Variants in KHDRBS2 observed in about 807,000 individuals in gnomAD.
KHDRBS2 encodes the protein KH RNA binding domain containing, signal transduction associated 2.
Under a neutral mutation model 44.3 loss-of-function variants are expected in KHDRBS2, and 26 were observed. That is an observed-to-expected ratio of 0.59 (90% CI 0.43 to 0.81). The LOEUF (loss-of-function observed/expected upper bound fraction) is 0.81, where lower values mean the gene tolerates loss of function less well. Ranked by LOEUF, KHDRBS2 falls within the 40% of genes least tolerant of loss-of-function variation. The probability of loss-of-function intolerance (pLI) is 0.00; values close to 1 mark genes in which losing one functional copy is unlikely to be tolerated. For synonymous variants in KHDRBS2, 194 were observed against 151.1 expected, an observed-to-expected ratio of 1.28 and a Z score of -2.08; for missense variants, 476 against 433.1, an observed-to-expected ratio of 1.10 and a Z score of -0.88.
intron 1 of KHDRBS2, among the ~76,000 whole-genome samples, chr6:62,183,703 A>G (rs1822833013): frequency 6.6e-6 from 1 of 151,610 alleles, no homozygotes; most frequent in Admixed American, 6.6e-5. Context: ...AATGAAGAAC[A>G]TGGAATTCGT....
At chr6:62,048,785 AC>A (rs1788317640) in intron 2 of KHDRBS2, among the ~76,000 whole-genome samples, 1 of 151,952 alleles carries the variant, frequency 6.6e-6, no homozygotes, top group South Asian at 2.1e-4. Flanking sequence ...ACATTTCCAA[AC>A]CAAATGACCG....
chr6:62,018,488 C>A (rs562402660), intron 3 of KHDRBS2, among the ~76,000 whole-genome samples: 11 of 152,234 alleles, frequency 7.2e-5, no homozygotes, highest in Admixed American at 6.5e-4. Context: ...GCTGGGACTA[C>A]AGGCGCCTGC....
At chr6:62,000,170 C>A (rs554373116) in intron 3 of KHDRBS2, among the ~76,000 whole-genome samples, 1 of 152,132 alleles carries the variant, frequency 6.6e-6, no homozygotes, top group East Asian at 1.9e-4. Flanking sequence ...TTTGCTGGAT[C>A]ATGACATAAA....
chr6:61,683,190 A>G (rs2127538609), intron 8 of KHDRBS2, among the ~76,000 whole-genome samples: 1 of 151,824 alleles, frequency 6.6e-6, no homozygotes, highest in Non-Finnish European at 1.5e-5. Context: ...AACAATCATG[A>G]GCGGAGTGAC....
intron 6 of KHDRBS2, among the ~76,000 whole-genome samples, chr6:61,764,605 G>T (rs192818238): frequency 6.6e-6 from 1 of 152,050 alleles, no homozygotes; most frequent in Admixed American, 6.6e-5. Context: ...TCGTGGTTTC[G>T]ATTTGCATTT....
At chr6:61,917,074 A>T (rs982277209) in intron 4 of KHDRBS2, among the ~76,000 whole-genome samples, 2 of 147,704 alleles carry the variant, frequency 1.4e-5, no homozygotes, top group African/African-American at 5.0e-5. Flanking sequence ...TTACCATATG[A>T]TCCAGCAATT....
At chr6:61,919,177 A>T (rs988121818) in intron 4 of KHDRBS2, among the ~76,000 whole-genome samples, 2 of 151,954 alleles carry the variant, frequency 1.3e-5, no homozygotes, top group African/African-American at 4.8e-5. Flanking sequence ...TTAGAAAGGA[A>T]ATAAAAACTG....
intron 6 of KHDRBS2, among the ~76,000 whole-genome samples, chr6:61,849,827 C>T (rs1795178351): frequency 6.6e-6 from 1 of 152,098 alleles, no homozygotes; most frequent in Non-Finnish European, 1.5e-5. Context: ...GTGGTAGAAA[C>T]AGAAAATAGC....
At chr6:61,928,755 A>G (rs1469898491) in intron 4 of KHDRBS2, among the ~76,000 whole-genome samples, 1 of 152,060 alleles carries the variant, frequency 6.6e-6, no homozygotes, top group African/African-American at 2.4e-5. Context: ...CTTAGGTTTT[A>G]TCATGCTTGA....
the KHDRBS2 span, among the ~76,000 whole-genome samples, chr6:61,555,997 C>T: frequency 6.6e-6 from 1 of 152,192 alleles, no homozygotes; most frequent in African/African-American, 2.4e-5. Flanking sequence ...TGCTCGTTTG[C>T]ACATGCCAGC....
intron 4 of KHDRBS2, among the ~76,000 whole-genome samples, chr6:61,913,239 G>A (rs369465367): frequency 5.5e-4 from 83 of 152,212 alleles, no homozygotes; most frequent in African/African-American, 1.9e-3. Context: ...ATCTCAAGAA[G>A]TGGAGATCAG....
chr6:61,559,419 T>C, the KHDRBS2 span, among the ~76,000 whole-genome samples: 28 of 151,894 alleles, frequency 1.8e-4, no homozygotes, highest in African/African-American at 6.3e-4. Flanking sequence ...TTAGAGTCAA[T>C]GTTATTACTA....
intron 3 of KHDRBS2, among the ~76,000 whole-genome samples, chr6:62,019,932 T>C (rs1378203142): frequency 6.6e-6 from 1 of 151,912 alleles, no homozygotes; most frequent in African/African-American, 2.4e-5. Context: ...ATGTTCAATC[T>C]GATCTTTATT....
chr6:61,908,795 G>T (rs1805526036), intron 4 of KHDRBS2, among the ~76,000 whole-genome samples: 1 of 151,930 alleles, frequency 6.6e-6, no homozygotes, highest in Non-Finnish European at 1.5e-5. Flanking sequence ...TTATATCTAG[G>T]GATAAACCTT....
At chr6:62,185,143 C>T (rs1823165926) in intron 1 of KHDRBS2, among the ~76,000 whole-genome samples, 1 of 151,866 alleles carries the variant, frequency 6.6e-6, no homozygotes, top group Non-Finnish European at 1.5e-5. Flanking sequence ...ATAATTATTG[C>T]ATTGTTTTGA....
intron 6 of KHDRBS2, among the ~76,000 whole-genome samples, chr6:61,801,020 G>A (rs140252006): frequency 1.6e-4 from 24 of 152,218 alleles, no homozygotes; most frequent in African/African-American, 5.8e-4. Context: ...ATACATGCCT[G>A]CATTTGCACC....
chr6:62,065,299 C>G (rs1383983393), intron 2 of KHDRBS2, among the ~76,000 whole-genome samples: 1 of 151,800 alleles, frequency 6.6e-6, no homozygotes, highest in African/African-American at 2.4e-5. Context: ...ACCCAAATGA[C>G]TATAAATCAT....
intron 6 of KHDRBS2, among the ~76,000 whole-genome samples, chr6:61,780,140 G>T (rs889480275): frequency 3.3e-5 from 5 of 152,154 alleles, no homozygotes; most frequent in Non-Finnish European, 7.4e-5. Flanking sequence ...ATTACATTCA[G>T]TTATACTTAA....
At chr6:61,691,349 A>C (rs1172539570) in intron 8 of KHDRBS2, among the ~76,000 whole-genome samples, 1 of 152,102 alleles carries the variant, frequency 6.6e-6, no homozygotes, top group Non-Finnish European at 1.5e-5. Flanking sequence ...TTAGATATCA[A>C]TCTAATGGCA....
Sources: allele counts gnomAD v4.1 joint callset (sites outside exome capture counted in the v4.1 genomes callset), GRCh38; gene constraint gnomAD v4.1.1; transcripts MANE v1.5; gene names NCBI Gene and HGNC (gene_info 2026-07-23, HGNC 2026-07-21).